FGF14: variants seen among roughly 807,000 people sequenced by gnomAD.
FGF14 encodes fibroblast growth factor 14.
A neutral mutation model predicts 25.5 loss-of-function variants in FGF14; 5 were observed. The observed-to-expected ratio is 0.20, with a 90% CI of 0.10 to 0.41. The LOEUF is 0.41. Among genes scored for constraint, FGF14 ranks in the 10% least tolerant of loss-of-function variants. The pLI is 1.00. For synonymous variants in FGF14, 138 were observed against 118.3 expected, an observed-to-expected ratio of 1.17 and a Z score of -1.08; for missense variants, 222 against 320.1, an observed-to-expected ratio of 0.69 and a Z score of 2.34.
At chr13:101,971,566 T>G in intron 1 of FGF14, among the ~76,000 whole-genome samples, 1 of 152,064 alleles carries the variant, frequency 6.6e-6, no homozygotes, top group East Asian at 1.9e-4. Context: ...AAGATAGGGG[T>G]TTGCCATGTC....
chr13:101,835,454 T>G (rs1222607014), intron 3 of FGF14, among the ~76,000 whole-genome samples: 3 of 152,226 alleles, frequency 2.0e-5, no homozygotes, highest in East Asian at 1.9e-4. Flanking sequence ...CCGTTTGCAG[T>G]GTCTTGCTCT....
Position 101,711,366 on chromosome 13 carries a change from C to T in FGF14, c.*11465G>A, listed in dbSNP as rs1328273347. Reference sequence around the variant, plus strand: ...ATCTTCCAAAGAAGTCCAGCATACACACACACTCACCCACCCACAACCTGT... The same window carrying T: ...ATCTTCCAAAGAAGTCCAGCATACATACACACTCACCCACCCACAACCTGT... On this transcript the variant is annotated 3_prime_UTR_variant, in exon 5 of 5. Coordinates refer to ENST00000376143, the MANE Select transcript of FGF14 (RefSeq NM_004115.4). 6.6e-6 allele frequency: 1 copy of T among 152,368 alleles called. No individual in the cohort carries two copies. The highest frequency in any genetic ancestry group is 2.4e-5 in the African/African-American group (1 of 41,434). 9.4% of individuals were successfully genotyped at this position (152,368 alleles called of 1,614,324 possible).
chr13:102,386,415 A>G (rs1029839885), intron 1 of FGF14, among the ~76,000 whole-genome samples: 7 of 152,206 alleles, frequency 4.6e-5, no homozygotes, highest in Non-Finnish European at 8.8e-5. Context: ...TACAGGTGTC[A>G]GCCATCGCGC....
chr13:101,802,137 G>T, intron 3 of FGF14: 1 of 240,462 alleles, frequency 4.2e-6, no homozygotes. Flanking sequence ...GCGAGAAGAT[G>T]TCCCAAGAAG....
In FGF14 at chr13:102,036,425, G is replaced by A. The variant is rs543520220; in HGVS notation, c.209-161129C>T. ...CCCATGACTGAGACTCTAACCAAAA[G>A]GAGGGACAAAGTTTACCTCCAGCCA... On this transcript the variant is annotated intron_variant, in intron 1 of 4. Coordinates refer to the FGF14 transcript ENST00000376131. Among the ~76,000 whole-genome samples, 511 of 152,166 alleles carry A rather than the reference G, an allele frequency of 3.4e-3. 6 individuals are homozygous for A. Among genetic ancestry groups the A allele is most frequent in the African/African-American group, 0.011 (470 of 41,546 alleles).
chr13:101,893,706 CA>C (rs2030144671), intron 1 of FGF14, among the ~76,000 whole-genome samples: 1 of 152,074 alleles, frequency 6.6e-6, no homozygotes, highest in African/African-American at 2.4e-5. Context: ...TGGAAGAAGG[CA>C]AAGAAATGGA....
rs370069842 is a variant in FGF14, at chr13:101,741,025, C to A, written c.409-14215G>T. Among the ~76,000 whole-genome samples the A allele has an allele frequency of 7.2e-5, 11 of 152,178 alleles. No individual in the cohort carries two copies. In the South Asian group the frequency reaches 1.0e-3, roughly 14 times the overall value. ...AAGCAAAGTGGTTCCCACATCACCACTGAAACATAAGAGGACAATGGCCAT... is the reference window on the plus strand; with the variant it reads ...AAGCAAAGTGGTTCCCACATCACCAATGAAACATAAGAGGACAATGGCCAT... On this transcript the variant is annotated intron_variant, in intron 3 of 4. Transcript: ENST00000376143.
At chr13:102,318,759 T>C (rs2056130971) in intron 1 of FGF14, among the ~76,000 whole-genome samples, 1 of 152,216 alleles carries the variant, frequency 6.6e-6, no homozygotes, top group Non-Finnish European at 1.5e-5. Context: ...ATTCTGAGGT[T>C]CTGGGGATTA....
chr13:102,102,143 C>T (rs2044692370), intron 1 of FGF14, among the ~76,000 whole-genome samples: 2 of 152,182 alleles, frequency 1.3e-5, no homozygotes, highest in African/African-American at 4.8e-5. Context: ...TAACTTTGCA[C>T]AAATGATCAT....
Position 102,265,532 on chromosome 13 carries a change from T to C in FGF14, c.208+135939A>G, listed in dbSNP as rs75805413. ...ATGGAAAAATGGAAGTGTTTTTCCA[T>C]ATGTAAAATGTAAATATTGACTGTA... On this transcript the variant is annotated intron_variant, in intron 1 of 4. Coordinates refer to the FGF14 transcript ENST00000376131. 9.7e-3 allele frequency among the ~76,000 whole-genome samples: 1,481 copies of C among 152,304 alleles called. 12 individuals carry two copies. Among genetic ancestry groups the C allele is most frequent in the Non-Finnish European group, 0.016 (1,069 of 68,028 alleles).
chr13:102,174,453 A>T (rs571903969), intron 1 of FGF14, among the ~76,000 whole-genome samples: 1 of 152,148 alleles, frequency 6.6e-6, no homozygotes, highest in African/African-American at 2.4e-5. Flanking sequence ...GGAATGAGCC[A>T]CCGTGCCCAG....
At chr13:101,896,164 T>G (rs995762847) in intron 1 of FGF14, among the ~76,000 whole-genome samples, 3 of 152,120 alleles carry the variant, frequency 2.0e-5, no homozygotes, top group Admixed American at 6.6e-5. Flanking sequence ...TTTTTACTAT[T>G]AAGGTGGGGC....
intron 1 of FGF14, among the ~76,000 whole-genome samples, chr13:101,976,807 T>C (rs1175074416): frequency 6.6e-6 from 1 of 152,186 alleles, no homozygotes; most frequent in African/African-American, 2.4e-5. Context: ...TTATTTCATA[T>C]GAAAGCTGTA....
At chr13:101,761,938 C>T (rs1157996725) in intron 3 of FGF14, among the ~76,000 whole-genome samples, 1 of 152,142 alleles carries the variant, frequency 6.6e-6, no homozygotes, top group Admixed American at 6.5e-5. Flanking sequence ...GAGAGGCCGC[C>T]AGGGAGTTAG....
chr13:101,711,184 C>T lies in FGF14; in HGVS notation c.*11647G>A, dbSNP rs896181494. ...GTTCATTTGGGGATTTATTTGGCTT[C>T]AAGACTACACAATTATATCTTTGCC... On this transcript the variant is annotated 3_prime_UTR_variant, in exon 5 of 5. Transcript: ENST00000376143. The T allele has an allele frequency of 6.6e-6, 1 of 152,166 alleles. No homozygotes were observed. Among genetic ancestry groups the T allele is most frequent in the African/African-American group, 2.4e-5 (1 of 41,436 alleles). 9.4% of individuals were successfully genotyped at this position (152,166 alleles called of 1,614,324 possible).
At chr13:101,923,577 T>C (rs2034158071) in intron 1 of FGF14, among the ~76,000 whole-genome samples, 1 of 152,092 alleles carries the variant, frequency 6.6e-6, no homozygotes, top group Non-Finnish European at 1.5e-5. Flanking sequence ...AAGTTCAAGA[T>C]CACATTTTTT....
chr13:102,296,661 T>C (rs1404127523), intron 1 of FGF14, among the ~76,000 whole-genome samples: 1 of 152,202 alleles, frequency 6.6e-6, no homozygotes, highest in African/African-American at 2.4e-5. Context: ...TGTGCATCCA[T>C]AGTTCTCCAT....
intron 1 of FGF14, among the ~76,000 whole-genome samples, chr13:102,066,350 C>T (rs1054372281): frequency 3.9e-5 from 6 of 152,150 alleles, no homozygotes; most frequent in Non-Finnish European, 5.9e-5. Context: ...CTATTGCTTT[C>T]CTGACATCTA....
At chr13:102,010,390 A>G (rs1488500913) in intron 1 of FGF14, among the ~76,000 whole-genome samples, 1 of 152,212 alleles carries the variant, frequency 6.6e-6, no homozygotes, top group Non-Finnish European at 1.5e-5. Flanking sequence ...CACATTTTAG[A>G]GCACAGAGAT....
Sources: allele counts gnomAD v4.1 joint callset (sites outside exome capture counted in the v4.1 genomes callset), GRCh38; gene constraint gnomAD v4.1.1; transcripts MANE v1.5; gene names NCBI Gene and HGNC (gene_info 2026-07-23, HGNC 2026-07-21).